SASH1: variants seen among roughly 807,000 people sequenced by gnomAD.
SASH1 encodes the protein SAM and SH3 domain-containing protein 1.
Under a neutral mutation model 125.2 loss-of-function variants are expected in SASH1, and 44 were observed. The ratio of observed to expected loss-of-function variants is 0.35; its 90% confidence interval spans 0.28 to 0.45. The LOEUF (loss-of-function observed/expected upper bound fraction) is 0.45, where lower values mean the gene tolerates loss of function less well. SASH1 is among the 20% of genes least tolerant of loss of function. SASH1 has a pLI of 1.00. For missense variants in SASH1, 1,426 were observed against 1,614.5 expected, an observed-to-expected ratio of 0.88 and a Z score of 2.00; for synonymous variants, 639 against 649.1, an observed-to-expected ratio of 0.98 and a Z score of 0.24.
intron 1 of SASH1, among the ~76,000 whole-genome samples, chr6:148,363,410 T>C (rs1455634754): frequency 6.7e-6 from 1 of 148,992 alleles, no homozygotes; most frequent in Non-Finnish European, 1.5e-5. Context: ...CCAACACTTC[T>C]TTTTTTTTTG....
At position 148,326,329 on chromosome 6, in the gene SASH1, T is replaced by TATATATATGC. The variant is rs1554235270; in HGVS notation, n.74+53960_74+53961insGCATATATAT. On this transcript the variant is annotated intron_variant and non_coding_transcript_variant, in intron 1 of 3. Coordinates refer to the SASH1 transcript ENST00000367469. ...AGGAGTGAGCCACCGCATGCATATA[T>TATATATATGC]ATATATATATATATATATATATATA... is the stretch of plus-strand genomic sequence containing the variant. Among the ~76,000 whole-genome samples, 5 of 62,382 alleles carry TATATATATGC rather than the reference T, an allele frequency of 8.0e-5. 1 individual carries two copies. The highest frequency in any genetic ancestry group is 2.0e-4 in the Admixed American group (1 of 4,910). The allele number at this position is 62,382 out of a possible 152,430, so 40.9% of individuals were successfully genotyped here.
At chr6:148,440,864 G>C (rs1462487428) in intron 4 of SASH1, among the ~76,000 whole-genome samples, 9 of 152,146 alleles carry the variant, frequency 5.9e-5, no homozygotes, top group Admixed American at 4.6e-4. Flanking sequence ...GTGAATGTGT[G>C]TGTTAAAAAA....
chr6:148,274,284 A>T (rs1196703827), intron 1 of SASH1, among the ~76,000 whole-genome samples: 1 of 152,180 alleles, frequency 6.6e-6, no homozygotes, highest in Non-Finnish European at 1.5e-5. Flanking sequence ...CCAACAGAAC[A>T]AAGCCTCCTC....
rs560950212 is a variant in SASH1, at chr6:148,352,486, A to T, written c.156+9263A>T. On this transcript the variant is annotated intron_variant, in intron 1 of 19. Coordinates refer to ENST00000367467, the MANE Select transcript of SASH1 (RefSeq NM_015278.5). Reference sequence around the variant, plus strand: ...GTGGCAGGCGCCTGTAGTCCCAGCTACTTAAGAGGCTGAGGCAGGAGGATT... The same window carrying T: ...GTGGCAGGCGCCTGTAGTCCCAGCTTCTTAAGAGGCTGAGGCAGGAGGATT... Among the ~76,000 whole-genome samples the T allele has an allele frequency of 1.9e-3, 295 of 152,122 alleles. 1 individual carries two copies. The highest frequency in any genetic ancestry group is 6.8e-3 in the African/African-American group (284 of 41,512).
chr6:148,336,094 A>G (rs1186519529), intron 1 of SASH1, among the ~76,000 whole-genome samples: 1 of 152,038 alleles, frequency 6.6e-6, no homozygotes, highest in Non-Finnish European at 1.5e-5. Context: ...AACTGGCCCA[A>G]TATAGGAACT....
rs115080514 is a variant in SASH1, at chr6:148,447,502, G to A, written c.386+7095G>A. ...TGTCTTCACCCTCTTTCCTCTGACTGCAGGGAAGAAGTCCCAGCACACACA... is the reference window on the plus strand; with the variant it reads ...TGTCTTCACCCTCTTTCCTCTGACTACAGGGAAGAAGTCCCAGCACACACA... On this transcript the variant is annotated intron_variant, in intron 4 of 19. Transcript: ENST00000367467. 4.0e-3 allele frequency among the ~76,000 whole-genome samples: 608 copies of A among 152,168 alleles called. 7 individuals are homozygous for A. The highest frequency in any genetic ancestry group is 0.014 in the African/African-American group (568 of 41,510).
intron 1 of SASH1, among the ~76,000 whole-genome samples, chr6:148,279,613 T>A (rs1055110664): frequency 4.6e-5 from 7 of 152,164 alleles, no homozygotes; most frequent in Non-Finnish European, 1.5e-5. Flanking sequence ...CTTTCTAACC[T>A]TTTGCAAAAG....
chr6:148,344,605 A>G (rs1488795015), intron 1 of SASH1, among the ~76,000 whole-genome samples: 1 of 152,116 alleles, frequency 6.6e-6, no homozygotes, highest in Non-Finnish European at 1.5e-5. Context: ...TATATAGCAC[A>G]TGTATATAAT....
intron 1 of SASH1, among the ~76,000 whole-genome samples, chr6:148,315,776 C>T (rs1016175726): frequency 2.6e-5 from 4 of 152,104 alleles, no homozygotes; most frequent in African/African-American, 4.8e-5. Context: ...TGGTGGTGCA[C>T]GCTTGTAGTC....
chr6:148,393,227 T>TG (rs1483548354), intron 2 of SASH1, among the ~76,000 whole-genome samples: 1 of 150,576 alleles, frequency 6.6e-6, no homozygotes, highest in East Asian at 1.9e-4. Flanking sequence ...TGTATTTTTT[T>TG]TTTTTTTTTT....
chr6:148,250,585 A>C, the SASH1 span, among the ~76,000 whole-genome samples: 23 of 151,956 alleles, frequency 1.5e-4, no homozygotes, highest in Non-Finnish European at 2.8e-4. Flanking sequence ...AAAAAAAAAA[A>C]AAAACTGTAT....
chr6:148,508,851 C>G (rs1323081282), intron 8 of SASH1: 18 of 1,287,394 alleles, frequency 1.4e-5, no homozygotes, highest in Non-Finnish European at 1.7e-5. Flanking sequence ...CAGAATTACC[C>G]CTTAGGCTTG....
At chr6:148,445,782 A>G (rs1022437872) in intron 4 of SASH1, among the ~76,000 whole-genome samples, 1 of 152,180 alleles carries the variant, frequency 6.6e-6, no homozygotes, top group African/African-American at 2.4e-5. Context: ...AACCCTGTCC[A>G]CCACATTCCA....
At chr6:148,318,554 CTTT>C (rs71004283) in intron 1 of SASH1, among the ~76,000 whole-genome samples, 14 of 121,078 alleles carry the variant, frequency 1.2e-4, no homozygotes, top group Admixed American at 2.5e-4. Flanking sequence ...CTACTAATTT[CTTT>C]TTTTTTTTTT....
intron 1 of SASH1, among the ~76,000 whole-genome samples, chr6:148,352,793 A>G (rs1781782610): frequency 6.6e-6 from 1 of 151,648 alleles, no homozygotes; most frequent in Non-Finnish European, 1.5e-5. Flanking sequence ...ACATGGCGAA[A>G]CCCCACCTCC....
chr6:148,337,153 G>A (rs1781183744), intron 1 of SASH1, among the ~76,000 whole-genome samples: 1 of 151,962 alleles, frequency 6.6e-6, no homozygotes. Context: ...CCGCCTCTCG[G>A]GCTAAAGTGA....
intron 1 of SASH1, among the ~76,000 whole-genome samples, chr6:148,335,928 T>C (rs912666789): frequency 6.6e-6 from 1 of 152,038 alleles, no homozygotes; most frequent in Non-Finnish European, 1.5e-5. Context: ...TACAGCCTCA[T>C]TGGATGAGTG....
At chr6:148,298,651 G>A (rs145784088) in intron 1 of SASH1, among the ~76,000 whole-genome samples, 966 of 79,706 alleles carry the variant, frequency 0.012, 7 homozygotes, top group African/African-American at 0.049. Context: ...GGAAGGAAGG[G>A]AGGGAGGGAG....
intron 2 of SASH1, among the ~76,000 whole-genome samples, chr6:148,394,202 T>G (rs1783852564): frequency 6.6e-6 from 1 of 152,194 alleles, no homozygotes; most frequent in South Asian, 2.1e-4. Flanking sequence ...CTTCAGATTC[T>G]CTTTCTATGA....
Sources: allele counts gnomAD v4.1 joint callset (sites outside exome capture counted in the v4.1 genomes callset), GRCh38; gene constraint gnomAD v4.1.1; transcripts MANE v1.5; gene names NCBI Gene and HGNC (gene_info 2026-07-23, HGNC 2026-07-21).